Variants in TEX11 observed in about 807,000 individuals in gnomAD.
TEX11 encodes the protein testis-expressed protein 11.
In TEX11, 7 loss-of-function variants were observed where a neutral mutation model predicts 84.4. The ratio of observed to expected loss-of-function variants is 0.08; its 90% confidence interval spans 0.05 to 0.16. The LOEUF (loss-of-function observed/expected upper bound fraction) is 0.16. Among genes scored for constraint, TEX11 ranks in the 10% least tolerant of loss-of-function variants. The pLI, the probability that TEX11 is intolerant of heterozygous loss-of-function variation, is 1.00. For missense variants in TEX11, 551 were observed against 660.5 expected (o/e 0.83, Z 1.82); for synonymous variants, 264 against 222.8 (o/e 1.18, Z -1.64).
At chrX:70,781,111 A>G (rs2091036375) in intron 9 of TEX11, among the ~76,000 whole-genome samples, 2 of 111,874 alleles carry the variant, frequency 1.8e-5, no homozygotes, top group South Asian at 7.5e-4. Context: ...GCTTCCAGAG[A>G]AAGGATCAGG....
At chrX:70,646,312 A>G (rs1427066081) in intron 17 of TEX11, among the ~76,000 whole-genome samples, 1 of 112,262 alleles carries the variant, frequency 8.9e-6, no homozygotes, top group Non-Finnish European at 1.9e-5. Context: ...GAAACTGTAG[A>G]ACTACTAAAA....
At chrX:70,750,929 A>ATATAT (rs1556039277) in intron 9 of TEX11, among the ~76,000 whole-genome samples, 25 of 26,658 alleles carry the variant, frequency 9.4e-4, no homozygotes, top group African/African-American at 2.2e-3. Flanking sequence ...AATAAAAAAA[A>ATATAT]AAAAATATAT....
chrX:70,615,851 T>C (rs2089311871), intron 20 of TEX11, among the ~76,000 whole-genome samples: 1 of 111,844 alleles, frequency 8.9e-6, no homozygotes, highest in Non-Finnish European at 1.9e-5. Context: ...ATGGAAACCT[T>C]ACAACTGGGA....
Position 70,726,426 on chromosome X carries a change from G to A in TEX11, c.844-1083C>T, listed in dbSNP as rs182082471. The stretch of plus-strand genomic sequence containing the variant: ...TTAAAACTACACTTCCAGAAGTCAT[G>A]AAGATTGCCTGCTAAATCCATCAGC... On this transcript the variant is annotated intron_variant, in intron 11 of 29. Coordinates refer to ENST00000374333, the MANE Select transcript of TEX11 (RefSeq NM_031276.3). 6.0e-4 allele frequency among the ~76,000 whole-genome samples: 67 copies of A among 112,054 alleles called. 1 individual carries two copies. The highest frequency in any genetic ancestry group is 2.0e-3 in the African/African-American group (62 of 30,943).
chrX:70,757,220 C>T (rs921958951), intron 9 of TEX11, among the ~76,000 whole-genome samples: 2 of 111,681 alleles, frequency 1.8e-5, no homozygotes, highest in African/African-American at 6.5e-5. Flanking sequence ...AGGAGACCTT[C>T]CCCAACCTAG....
chrX:70,647,267 G>T (rs555373289), intron 17 of TEX11, among the ~76,000 whole-genome samples: 1 of 111,806 alleles, frequency 8.9e-6, no homozygotes, highest in South Asian at 3.8e-4. Context: ...AGATTAGGGA[G>T]ATGGTGAAAG....
At chrX:70,590,257 C>T (rs757302969) in intron 25 of TEX11, among the ~76,000 whole-genome samples, 2 of 111,239 alleles carry the variant, frequency 1.8e-5, no homozygotes, top group South Asian at 7.6e-4. Flanking sequence ...TCATAGACTA[C>T]GAGAAGTAAA....
intron 14 of TEX11, among the ~76,000 whole-genome samples, chrX:70,679,779 T>TG (rs1191144352): frequency 1.9e-4 from 14 of 75,630 alleles, no homozygotes; most frequent in East Asian, 1.8e-3. Context: ...GGGAGGGAGG[T>TG]GGGGGGGTCA....
At chrX:70,730,791 C>G (rs1296584259) in intron 11 of TEX11, among the ~76,000 whole-genome samples, 1 of 111,672 alleles carries the variant, frequency 9.0e-6, no homozygotes, top group Non-Finnish European at 1.9e-5. Flanking sequence ...CTCAGCTCTG[C>G]ACCAAGCGGA....
At chrX:70,516,650 C>A in the TEX11 span, among the ~76,000 whole-genome samples, 1 of 111,016 alleles carries the variant, frequency 9.0e-6, no homozygotes, top group African/African-American at 3.3e-5. Context: ...TTTTCCAATT[C>A]TGTGAAGAAA....
chrX:70,704,024 G>C (rs1409546907), intron 13 of TEX11, among the ~76,000 whole-genome samples: 1 of 110,319 alleles, frequency 9.1e-6, no homozygotes, highest in Non-Finnish European at 1.9e-5. Context: ...CATCCCTTTG[G>C]TGCTATTCTC....
intron 13 of TEX11, among the ~76,000 whole-genome samples, chrX:70,708,818 T>C (rs933465351): frequency 1.0e-4 from 11 of 109,626 alleles, no homozygotes; most frequent in African/African-American, 2.6e-4. Context: ...GAAGGGCATG[T>C]GGGTTGAAAA....
intron 13 of TEX11, among the ~76,000 whole-genome samples, chrX:70,705,074 T>C (rs1044717222): frequency 3.1e-4 from 35 of 111,854 alleles, no homozygotes; most frequent in Non-Finnish European, 5.6e-5. Flanking sequence ...ATTGCTTGTT[T>C]TTGTCAGGTT....
intron 13 of TEX11, among the ~76,000 whole-genome samples, chrX:70,696,813 T>C (rs1376592632): frequency 9.0e-6 from 1 of 111,420 alleles, no homozygotes; most frequent in Non-Finnish European, 1.9e-5. Context: ...AACCCCAAAA[T>C]ACTCACTTAT....
intron 16 of TEX11, among the ~76,000 whole-genome samples, chrX:70,656,292 G>C (rs1285471661): frequency 3.7e-5 from 4 of 109,145 alleles, no homozygotes; most frequent in Non-Finnish European, 3.8e-5. Flanking sequence ...GCCAGGCATG[G>C]TGGTGCATGC....
intron 7 of TEX11, among the ~76,000 whole-genome samples, chrX:70,847,916 T>A (rs1235573976): frequency 8.9e-6 from 1 of 111,840 alleles, no homozygotes; most frequent in African/African-American, 3.2e-5. Flanking sequence ...TGAACAGGCT[T>A]TATTATCCTC....
intron 18 of TEX11, among the ~76,000 whole-genome samples, chrX:70,626,527 C>T: frequency 9.0e-6 from 1 of 111,419 alleles, no homozygotes; most frequent in East Asian, 2.8e-4. Flanking sequence ...CACTGTCCCT[C>T]ATCCCCTTGA....
At chrX:70,615,463 A>G (rs2089307528) in intron 20 of TEX11, among the ~76,000 whole-genome samples, 1 of 111,941 alleles carries the variant, frequency 8.9e-6, no homozygotes, top group Non-Finnish European at 1.9e-5. Context: ...GCTCAAAGAC[A>G]CACTATTTGA....
chrX:70,729,631 A>C (rs1419133626), intron 11 of TEX11, among the ~76,000 whole-genome samples: 20 of 111,537 alleles, frequency 1.8e-4, no homozygotes, highest in Admixed American at 1.1e-3. Flanking sequence ...AAGAAATGAA[A>C]AAAGCCTCCA....
Sources: gnomAD v4.1 joint callset for allele counts (sites outside exome capture counted in the v4.1 genomes callset) on GRCh38, gnomAD v4.1.1 for gene constraint, MANE v1.5 for transcripts, NCBI Gene and HGNC (gene_info 2026-07-23, HGNC 2026-07-21) for gene names.